NKAPD1: variants seen among roughly 807,000 people sequenced by gnomAD.
The protein encoded by NKAPD1 is uncharacterized protein NKAPD1.
In NKAPD1, 12 loss-of-function variants were observed where a neutral mutation model predicts 30.9. The ratio of observed to expected loss-of-function variants is 0.39; its 90% CI spans 0.25 to 0.63. NKAPD1 has a LOEUF of 0.63. Among genes scored for constraint, NKAPD1 ranks in the 20% least tolerant of loss-of-function variants. The pLI, the probability that NKAPD1 is intolerant of heterozygous loss-of-function variation, is 0.51. For missense variants in NKAPD1, 311 were observed against 344.5 expected (o/e 0.90, Z 0.77); for synonymous variants, 91 against 113.6 (o/e 0.80, Z 1.26).
chr11:112,080,628 C>T (rs1330065209), intron 4 of NKAPD1, 70 bp downstream of exon 4: 1 of 1,531,380 alleles, frequency 6.5e-7, no homozygotes, highest in South Asian at 1.2e-5. Flanking sequence ...TTAATTGTCC[C>T]CACAAAAAAC....
chr11:112,083,769 T>G lies in NKAPD1; in HGVS notation c.*797T>G, dbSNP rs1414529991. On this transcript the variant is annotated 3_prime_UTR_variant, in exon 6 of 6. Transcript: ENST00000393047. ...ATTAGGAAATAATCATGTTGTCTAA[T>G]GGTACTCTGGATTCAGGGCAGCAAC... 6.6e-6 allele frequency: 1 copy of G among 152,654 alleles called. No homozygotes were observed. The highest frequency in any genetic ancestry group is 2.4e-5 in the African/African-American group (1 of 41,462). The allele number at this position is 152,654 out of a possible 1,614,324, so 9.5% of individuals were successfully genotyped here.
Position 112,080,529 on chromosome 11 carries a change from C to T in NKAPD1, c.291C>T (p.Phe97=), listed in dbSNP as rs1865425987. The change falls in exon 4 of 6, where the codon TTC becomes TTT. Residue 97 remains phenylalanine (F), a synonymous_variant. Transcript: ENST00000393047. Reference sequence around the variant, plus strand: ...AGGCTAAATCCTGGAATAAAAAGTTCTATGATTATGAAGCAAACATGCCAG... The same window carrying T: ...AGGCTAAATCCTGGAATAAAAAGTTTTATGATTATGAAGCAAACATGCCAG... ...FLKAKSWNKK[F]YDYEANMPDR... is the part of the protein sequence containing the mutation. 7 of 1,613,770 alleles carry T rather than the reference C, an allele frequency of 4.3e-6. No homozygotes were observed. The highest frequency in any genetic ancestry group is 5.9e-6 in the Non-Finnish European group (7 of 1,179,990).
chr11:112,077,089 GC>G (rs980908468), intron 2 of NKAPD1, among the ~76,000 whole-genome samples: 6 of 152,186 alleles, frequency 3.9e-5, no homozygotes, highest in African/African-American at 1.4e-4. Flanking sequence ...GAGGGCCAAG[GC>G]CCCTGGTTTA....
In NKAPD1 at chr11:112,078,312, C is replaced by T. The variant is rs1433225570; in HGVS notation, c.167C>T (p.Ser56Leu). Residue 56 changes from serine to leucine, a missense_variant, in exon 3 of 6, where the codon TCA (serine) becomes TTA (leucine). Coordinates refer to ENST00000393047, the MANE Select transcript of NKAPD1 (RefSeq NM_018195.4). ...GTKRKMLPSS[S>L]SRMRSDGFDE... ...AAAAGGAAAATGCTACCCAGCAGTT[C>T]AAGGTGAAGTTGCAGCTCTGAGAAC... 6.2e-7 allele frequency: 1 copy of T among 1,607,522 alleles called. No homozygotes were observed. The highest frequency in any genetic ancestry group is 8.5e-7 in the Non-Finnish European group (1 of 1,175,526).
chr11:112,083,204 T>A lies in NKAPD1; in HGVS notation c.*232T>A. ...GAAGGTTTCTTGAAGAGATTATTTT[T>A]TTTTGCAATTAATTACGTTTAGTGT... On this transcript the variant is annotated 3_prime_UTR_variant, in exon 6 of 6. Coordinates refer to ENST00000393047, the MANE Select transcript of NKAPD1 (RefSeq NM_018195.4). 2.4e-6 allele frequency: 1 copy of A among 415,128 alleles called. No homozygotes were observed. The highest frequency in any genetic ancestry group is 4.0e-5 in the Admixed American group (1 of 24,812). 25.7% of individuals were successfully genotyped at this position (415,128 alleles called of 1,614,324 possible). A position where few individuals can be genotyped will look rare whatever the true frequency, so the allele number is the denominator to read the frequency against.
At chr11:112,081,760 TTC>T in intron 4 of NKAPD1, 1 of 484,306 alleles carries the variant, frequency 2.1e-6, no homozygotes, top group East Asian at 3.8e-5. Flanking sequence ...CAATGGCAAG[TTC>T]TCTTACAAAT....
chr11:112,079,141 ATTTTTTTTT>A (rs35305300), intron 3 of NKAPD1, among the ~76,000 whole-genome samples: 3 of 115,928 alleles, frequency 2.6e-5, no homozygotes, highest in Admixed American at 2.1e-4. Flanking sequence ...GGCCCTTACA[ATTTTTTTTT>A]TTTTTTTTTT....
chr11:112,082,528 T>G lies in NKAPD1; in HGVS notation c.438T>G (p.His146Gln). 1 of 1,610,308 alleles carries G rather than the reference T, an allele frequency of 6.2e-7. No homozygotes were observed. The highest frequency in any genetic ancestry group is 8.5e-7 in the Non-Finnish European group (1 of 1,179,380). ...KTSPQVKSST[H>Q]ESRKHKKSKK... is the part of the protein sequence containing the mutation. Reference sequence around the variant, plus strand: ...CTCCCCAGGTAAAGTCATCTACCCATGAATCCCGCAAACACAAGAAGTCAA... The same window carrying G: ...CTCCCCAGGTAAAGTCATCTACCCAGGAATCCCGCAAACACAAGAAGTCAA... The change falls in exon 6 of 6, where the codon CAT becomes CAG. Residue 146 changes from histidine to glutamine, a missense_variant. Physicochemically the swap from His to Gln is conservative, Grantham distance 24. Coordinates refer to ENST00000393047, the MANE Select transcript of NKAPD1 (RefSeq NM_018195.4).
intron 5 of NKAPD1, 22 bp from the exon 6 acceptor site, chr11:112,082,443 A>G (rs1371133797): frequency 4.0e-6 from 6 of 1,493,898 alleles, no homozygotes; most frequent in African/African-American, 2.8e-5. Flanking sequence ...AAAAGCTTCT[A>G]TTTTTTAACT....
chr11:112,083,315 G>C lies in NKAPD1; in HGVS notation c.*343G>C, dbSNP rs1241076793. The stretch of plus-strand genomic sequence containing the variant: ...CACCAATCGGAATATTGAATTTGGG[G>C]AAGTCAAGGGCTGGGATCAAGAGGT... On this transcript the variant is annotated 3_prime_UTR_variant, in exon 6 of 6. Coordinates refer to ENST00000393047, the MANE Select transcript of NKAPD1 (RefSeq NM_018195.4). 4.0e-5 allele frequency: 7 copies of C among 175,002 alleles called. No individual in the cohort carries two copies. The South Asian group carries it at 8.6e-4, about 21-fold the overall frequency. 10.8% of individuals were successfully genotyped at this position (175,002 alleles called of 1,614,324 possible).
In NKAPD1 at chr11:112,074,311, A is replaced by G. The variant is rs1865254076; in HGVS notation, c.-614A>G. 2.5e-6 allele frequency: 1 copy of G among 398,988 alleles called. No homozygotes were observed. The highest frequency in any genetic ancestry group is 4.4e-6 in the Non-Finnish European group (1 of 226,238). The allele number at this position is 398,988 out of a possible 1,614,324, so 24.7% of individuals were successfully genotyped here. ...AGGAAGTCTCCTCCTTTTTCTCCCA[A>G]ACCACTTCTTCCCCCCTACCCCCCG... On this transcript the variant is annotated 5_prime_UTR_variant, in exon 1 of 6. Coordinates refer to ENST00000393047, the MANE Select transcript of NKAPD1 (RefSeq NM_018195.4).
At chr11:112,075,437 A>G (rs1865302798) in intron 1 of NKAPD1, 130 bp from the exon 2 acceptor site, 8 of 662,456 alleles carry the variant, frequency 1.2e-5, no homozygotes, top group Non-Finnish European at 2.5e-6. Context: ...AGGGAAAACT[A>G]TTCTTTAGAA....
chr11:112,077,637 A>G (rs1865356904), intron 2 of NKAPD1, among the ~76,000 whole-genome samples: 1 of 152,198 alleles, frequency 6.6e-6, no homozygotes, highest in African/African-American at 2.4e-5. Context: ...TGCTAATCGC[A>G]GCATAATTGC....
intron 2 of NKAPD1, among the ~76,000 whole-genome samples, chr11:112,077,738 G>C (rs184082456): frequency 3.3e-5 from 5 of 152,004 alleles, no homozygotes; most frequent in African/African-American, 1.2e-4. Flanking sequence ...GGATTGGACT[G>C]TTCAGCCACT....
chr11:112,081,784 T>A, intron 4 of NKAPD1, 198 bp from the exon 5 acceptor site: 2 of 530,654 alleles, frequency 3.8e-6, no homozygotes, highest in Non-Finnish European at 6.7e-6. Flanking sequence ...GACAAAATAA[T>A]CTTGTATGTC....
intron 1 of NKAPD1, among the ~76,000 whole-genome samples, chr11:112,075,335 G>A (rs952028186): frequency 1.3e-5 from 2 of 152,166 alleles, no homozygotes; most frequent in African/African-American, 4.8e-5. Flanking sequence ...TTAATTTTAT[G>A]TAGTCTTGTG....
intron 2 of NKAPD1, 108 bp downstream of exon 2, chr11:112,075,751 T>G: frequency 8.5e-7 from 1 of 1,172,208 alleles, no homozygotes; most frequent in South Asian, 1.4e-5. Flanking sequence ...TGTCATCTAG[T>G]TTTTGGAAGC....
At position 112,082,924 on chromosome 11, in the gene NKAPD1, G is replaced by T. The variant is rs1454428628; in HGVS notation, c.834G>T (p.Trp278Cys). The change falls in exon 6 of 6, where the codon TGG becomes TGT. Residue 278 changes from tryptophan to cysteine, a missense_variant. Transcript: ENST00000393047. ...AGAGGACAAACAAACGCACAAATTG[G>T]AAAGTAGCTACAGATGAAAGGTCTG... ...IQERTNKRTNWKVATDERSAE... is the reference protein window; with the variant it reads ...IQERTNKRTNCKVATDERSAE... 1 of 1,606,566 alleles carries T rather than the reference G, an allele frequency of 6.2e-7. No individual in the cohort carries two copies. Among genetic ancestry groups the T allele is most frequent in the African/African-American group, 1.4e-5 (1 of 73,956 alleles).
Position 112,084,648 on chromosome 11 carries a change from C to T in NKAPD1, c.*1676C>T, listed in dbSNP as rs1405159952. The T allele has an allele frequency of 6.6e-6, 1 of 152,436 alleles. No individual in the cohort carries two copies. 9.4% of individuals were successfully genotyped at this position (152,436 alleles called of 1,614,324 possible). ...TTTTTAGCATGCATTGTTTCTGTGC[C>T]CTGAAAGTACCTGAAAGGTTTTAAG... On this transcript the variant is annotated 3_prime_UTR_variant, in exon 6 of 6. Transcript: ENST00000393047.
Sources: allele counts gnomAD v4.1 joint callset (sites outside exome capture counted in the v4.1 genomes callset), GRCh38; gene constraint gnomAD v4.1.1; transcripts MANE v1.5; gene names NCBI Gene and HGNC (gene_info 2026-07-23, HGNC 2026-07-21).